The following BUB1 variants were observed in gnomAD, a reference collection of about 807,000 sequenced individuals.
BUB1 encodes the protein BUB1 mitotic checkpoint serine/threonine kinase.
In BUB1, 84 loss-of-function variants were observed where a neutral mutation model predicts 135.2. That is an observed-to-expected ratio of 0.62 (90% CI 0.52 to 0.74). The LOEUF is 0.74. BUB1 is among the 30% of genes least tolerant of loss of function. The probability of loss-of-function intolerance (pLI) is 0.00; values close to 1 mark genes in which losing one functional copy is unlikely to be tolerated. For synonymous variants in BUB1, 403 were observed against 434.4 expected, an observed-to-expected ratio of 0.93 and a Z score of 0.90; for missense variants, 1,162 against 1,288.3, an observed-to-expected ratio of 0.90 and a Z score of 1.50.
At chr2:110,651,262 T>C (rs117601083) in intron 17 of BUB1, among the ~76,000 whole-genome samples, 7 of 152,170 alleles carry the variant, frequency 4.6e-5, no homozygotes, top group African/African-American at 1.7e-4. Context: ...GGTGGCCCCA[T>C]AGGATCATAA....
chr2:110,669,212 A>T (rs894235213), intron 6 of BUB1, among the ~76,000 whole-genome samples: 3 of 152,224 alleles, frequency 2.0e-5, no homozygotes, highest in African/African-American at 7.2e-5. Context: ...TGGGGAGAGT[A>T]AAGACAGGAG....
chr2:110,660,246 G>A (rs1690045903), intron 10 of BUB1, among the ~76,000 whole-genome samples: 1 of 152,052 alleles, frequency 6.6e-6, no homozygotes, highest in South Asian at 2.1e-4. Flanking sequence ...TGTGCTGGCA[G>A]GCACCTGTAA....
At chr2:110,640,591 C>T (rs548331338) in intron 23 of BUB1, among the ~76,000 whole-genome samples, 1 of 152,274 alleles carries the variant, frequency 6.6e-6, no homozygotes, top group South Asian at 2.1e-4. Context: ...TACAGTCAAA[C>T]CCACCATCCT....
intron 9 of BUB1, chr2:110,666,057 CAT>C: frequency 2.3e-6 from 1 of 427,180 alleles, no homozygotes; most frequent in Non-Finnish European, 3.9e-6. Context: ...CATACACAAA[CAT>C]GTAAAACATA....
intron 24 of BUB1, 69 bp downstream of exon 24, chr2:110,639,673 T>C: frequency 8.3e-7 from 1 of 1,208,878 alleles, no homozygotes; most frequent in South Asian, 1.3e-5. Flanking sequence ...TTTTTTTTTT[T>C]GCCAGATGGA....
chr2:110,646,675 A>G (rs115772402), intron 19 of BUB1, among the ~76,000 whole-genome samples: 3,604 of 152,284 alleles, frequency 0.024, 76 homozygotes, highest in Non-Finnish European at 0.03. Context: ...CACATTGGTC[A>G]AAGAAGTCTC....
At chr2:110,671,001 T>C (rs1478806106) in intron 4 of BUB1, among the ~76,000 whole-genome samples, 2 of 152,228 alleles carry the variant, frequency 1.3e-5, no homozygotes, top group Non-Finnish European at 2.9e-5. Flanking sequence ...TCATTGTTCA[T>C]ACTCTGTGAG....
At chr2:110,639,698 TTTAG>T in intron 24 of BUB1, 40 bp downstream of exon 24, 2 of 1,435,394 alleles carry the variant, frequency 1.4e-6, no homozygotes, top group African/African-American at 1.4e-5. Flanking sequence ...AACATTCTAC[TTTAG>T]TTATTCTCTT....
At chr2:110,661,468 A>T (rs1690080348) in intron 10 of BUB1, 114 bp downstream of exon 10, 1 of 1,321,382 alleles carries the variant, frequency 7.6e-7, no homozygotes, top group African/African-American at 1.5e-5. Flanking sequence ...ATCTAAAAAT[A>T]AAAGGCAGAC....
intron 6 of BUB1, 97 bp from the exon 7 acceptor site, chr2:110,667,946 G>C: frequency 8.9e-7 from 1 of 1,127,736 alleles, no homozygotes; most frequent in Non-Finnish European, 1.3e-6. Flanking sequence ...TTGAGGGGAA[G>C]AGGGACCTTA....
chr2:110,674,209 T>C lies in BUB1; in HGVS notation c.102A>G (p.Val34=). Residue 34 remains valine, a synonymous_variant, in exon 3 of 25, where the codon GTA becomes GTG. Coordinates refer to ENST00000302759, the MANE Select transcript of BUB1 (RefSeq NM_004336.5). ...LGEWERYIQW[V]EENFPENKEY... ...CTTTATTCTCAGGAAAATTCTCTTCTACCCACTGTATGTATCTAGAAAAAT... is the reference window on the plus strand; with the variant it reads ...CTTTATTCTCAGGAAAATTCTCTTCCACCCACTGTATGTATCTAGAAAAAT... The C allele has an allele frequency of 1.2e-6, 2 of 1,608,262 alleles. No individual in the cohort carries two copies. The highest frequency in any genetic ancestry group is 8.5e-7 in the Non-Finnish European group (1 of 1,175,242).
At chr2:110,639,650 G>A (rs1357422537) in intron 24 of BUB1, 92 bp downstream of exon 24, 12 of 1,045,808 alleles carry the variant, frequency 1.1e-5, no homozygotes, top group Middle Eastern at 2.1e-4. Flanking sequence ...TCCATGCGGT[G>A]GCAGAGATCC....
intron 13 of BUB1, 83 bp downstream of exon 13, chr2:110,658,327 G>A: frequency 8.8e-7 from 1 of 1,133,566 alleles, no homozygotes; most frequent in Non-Finnish European, 1.3e-6. Context: ...CAAGGGCAGG[G>A]TCACCTCTTA....
At position 110,657,547 on chromosome 2, in the gene BUB1, C is replaced by T; in HGVS notation, c.1615G>A (p.Gly539Arg). ...ATTAACTAGATGGTATTTTTTTACCCATAATTTTCTTTGTTTCCATCTTCA... is the reference window on the plus strand; with the variant it reads ...ATTAACTAGATGGTATTTTTTTACCTATAATTTTCTTTGTTTCCATCTTCA... ...VFEDGNKENY[G>R]LPQPKNKPTG... Residue 539 changes from glycine to arginine, a missense_variant and splice_region_variant, in exon 14 of 25, where the codon GGA (glycine) becomes AGA (arginine). Coordinates refer to ENST00000302759, the MANE Select transcript of BUB1 (RefSeq NM_004336.5). The T allele has an allele frequency of 6.3e-7, 1 of 1,593,852 alleles. No homozygotes were observed.
intron 9 of BUB1, among the ~76,000 whole-genome samples, chr2:110,665,759 C>G (rs1054208345): frequency 2.6e-5 from 4 of 151,980 alleles, no homozygotes; most frequent in Admixed American, 1.3e-4. Flanking sequence ...TCATCGTATC[C>G]TATGTCATAG....
chr2:110,640,138 C>T (rs557941908), intron 23 of BUB1, among the ~76,000 whole-genome samples: 79 of 152,312 alleles, frequency 5.2e-4, no homozygotes, highest in Middle Eastern at 3.4e-3. Flanking sequence ...CCCTCTTCCA[C>T]ATAGACAGCT....
intron 3 of BUB1, among the ~76,000 whole-genome samples, chr2:110,673,303 C>T (rs1690473106): frequency 6.6e-6 from 1 of 152,066 alleles, no homozygotes; most frequent in Admixed American, 6.5e-5. Flanking sequence ...AAACATTAAC[C>T]GTAGGTGTTT....
At chr2:110,646,753 G>A (rs1050728028) in intron 19 of BUB1, among the ~76,000 whole-genome samples, 1 of 152,062 alleles carries the variant, frequency 6.6e-6, no homozygotes, top group East Asian at 1.9e-4. Flanking sequence ...TTTGTGGGAC[G>A]CAGTAAAGGA....
chr2:110,666,513 AT>A lies in BUB1; in HGVS notation c.806-100del, dbSNP rs1403182833. On this transcript the variant is annotated intron_variant, in intron 8 of 24. Transcript: ENST00000302759. Reference sequence around the variant, plus strand: ...GAAAGGGTTATATTTTAGGGGGCCGATTTTTTTATTAGTCTTTCTCATATTT... The same window carrying A: ...GAAAGGGTTATATTTTAGGGGGCCGATTTTTTATTAGTCTTTCTCATATTT... 2.3e-5 allele frequency: 21 copies of A among 901,984 alleles called. 1 individual carries two copies. The South Asian group carries it at 9.5e-4, about 41-fold the overall frequency. The allele number at this position is 901,984 out of a possible 1,614,324, so 55.9% of individuals were successfully genotyped here. A position where few individuals can be genotyped will look rare whatever the true frequency, so the allele number is the denominator to read the frequency against.
Sources: gnomAD v4.1 joint callset for allele counts (sites outside exome capture counted in the v4.1 genomes callset) on GRCh38, gnomAD v4.1.1 for gene constraint, MANE v1.5 for transcripts, NCBI Gene and HGNC (gene_info 2026-07-23, HGNC 2026-07-21) for gene names.